INTS3: variants seen among roughly 807,000 people sequenced by gnomAD.
The protein encoded by INTS3 is SOSS complex subunit A.
INTS3 carries 34 observed loss-of-function variants against 146.3 expected under a neutral mutation model. The ratio of observed to expected loss-of-function variants is 0.23; its 90% CI spans 0.18 to 0.31. INTS3 has a LOEUF of 0.31. Among genes scored for constraint, INTS3 ranks in the 10% least tolerant of loss-of-function variants. INTS3 has a pLI of 1.00. For synonymous variants in INTS3, 475 were observed against 494.9 expected (o/e 0.96, Z 0.53); for missense variants, 757 against 1,304.2 (o/e 0.58, Z 6.46).
At position 153,728,732 on chromosome 1, in the gene INTS3, G is replaced by A. The variant is rs375436644; in HGVS notation, c.98G>A (p.Gly33Glu). The A allele has an allele frequency of 3.7e-6, 6 of 1,610,448 alleles. No homozygotes were observed. Among genetic ancestry groups the A allele is most frequent in the South Asian group, 2.2e-5 (2 of 90,984 alleles). ...GGAGCGGGAGCAGGAGCCCCAGGAG[G>A]GGGGAGGCTGCTACTTTCAACCAGT... The part of the protein sequence containing the change: ...GGGAGAGAPG[G>E]GRLLLSTSLD... The change falls in exon 1 of 30, where the codon GGG becomes GAG. Residue 33 changes from glycine to glutamate, a missense_variant. Gly to Glu is a moderately conservative substitution (Grantham distance 98, BLOSUM62 -2). Coordinates refer to ENST00000318967, the MANE Select transcript of INTS3 (RefSeq NM_023015.5).
At chr1:153,755,324 C>T (rs1424126817) in intron 9 of INTS3, among the ~76,000 whole-genome samples, 2 of 152,062 alleles carry the variant, frequency 1.3e-5, no homozygotes, top group Admixed American at 6.5e-5. Context: ...AGTGCAGTGG[C>T]GCGATCTCGG....
At chr1:153,755,350 G>A (rs1291783555) in intron 9 of INTS3, among the ~76,000 whole-genome samples, 6 of 152,014 alleles carry the variant, frequency 3.9e-5, no homozygotes, top group African/African-American at 9.7e-5. Flanking sequence ...CGCAGCCTCC[G>A]CCTGTTGGGT....
intron 3 of INTS3, among the ~76,000 whole-genome samples, chr1:153,741,784 G>C (rs1188321991): frequency 3.3e-5 from 5 of 152,182 alleles, no homozygotes; most frequent in Non-Finnish European, 7.3e-5. Context: ...TAGTAGGTAG[G>C]ATTTAGATGA....
chr1:153,761,052 TG>T, intron 13 of INTS3, 134 bp downstream of exon 13: 1 of 1,472,956 alleles, frequency 6.8e-7, no homozygotes, highest in Non-Finnish European at 9.0e-7. Context: ...CTCAGACTGC[TG>T]GGCATATGTC....
intron 23 of INTS3, 62 bp downstream of exon 23, chr1:153,769,906 T>C: frequency 8.6e-7 from 1 of 1,161,862 alleles, no homozygotes; most frequent in Non-Finnish European, 1.3e-6. Context: ...CAGTCCTGTG[T>C]ATTTTACACT....
chr1:153,763,585 A>G (rs1241306112), intron 16 of INTS3, among the ~76,000 whole-genome samples: 3 of 152,214 alleles, frequency 2.0e-5, no homozygotes, highest in Non-Finnish European at 4.4e-5. Flanking sequence ...CCCACTCTGC[A>G]GATTCTTGGG....
chr1:153,752,937 T>C (rs1672014946), intron 8 of INTS3, among the ~76,000 whole-genome samples: 1 of 152,070 alleles, frequency 6.6e-6, no homozygotes, highest in African/African-American at 2.4e-5. Context: ...TCCCTTTCCC[T>C]TTCCCAGGGT....
chr1:153,757,885 C>A lies in INTS3; in HGVS notation c.1149+122C>A. ...AGGGCCCTTCTTTCACTCTGGTCTT[C>A]CAGAGTGTCTCAGCCTTCACTTCCC... On this transcript the variant is annotated intron_variant, in intron 10 of 29. Coordinates refer to ENST00000318967, the MANE Select transcript of INTS3 (RefSeq NM_023015.5). The surrounding 1 kb of genome is among the most constrained non-coding windows in gnomAD (Gnocchi z 4.0). The A allele has an allele frequency of 5.7e-6, 4 of 697,604 alleles. No homozygotes were observed. Among genetic ancestry groups the A allele is most frequent in the Non-Finnish European group, 9.8e-6 (4 of 409,548 alleles). 43.2% of individuals were successfully genotyped at this position (697,604 alleles called of 1,614,324 possible).
At chr1:153,731,054 A>G (rs1671041048) in intron 1 of INTS3, among the ~76,000 whole-genome samples, 1 of 152,124 alleles carries the variant, frequency 6.6e-6, no homozygotes, top group Admixed American at 6.6e-5. Flanking sequence ...ACACAGAGGT[A>G]GTTTCCTGAC....
intron 9 of INTS3, among the ~76,000 whole-genome samples, chr1:153,755,912 C>T (rs371719607): frequency 6.6e-5 from 10 of 152,128 alleles, no homozygotes; most frequent in Non-Finnish European, 1.0e-4. Context: ...TGGTGGCACA[C>T]GCCTGTAATC....
chr1:153,765,221 C>G (rs1023880855), intron 20 of INTS3, among the ~76,000 whole-genome samples, 158 bp downstream of exon 20: 1 of 152,312 alleles, frequency 6.6e-6, no homozygotes, highest in African/African-American at 2.4e-5. Flanking sequence ...GCATCTCACT[C>G]TGTCACCTGA....
At position 153,772,447 on chromosome 1, in the gene INTS3, C is replaced by T; in HGVS notation, c.2821+7C>T. ...ACCAACACCAAGCAGAACTGTATGC[C>T]TTCCACCCTCGGCGTCCAGTGTAGA... On this transcript the variant is annotated splice_region_variant and intron_variant, in intron 27 of 29. Transcript: ENST00000318967. The surrounding 1 kb of genome is among the most constrained non-coding windows in gnomAD (Gnocchi z 4.6). The T allele has an allele frequency of 6.2e-7, 1 of 1,614,182 alleles. No individual in the cohort carries two copies. The highest frequency in any genetic ancestry group is 8.5e-7 in the Non-Finnish European group (1 of 1,180,040).
chr1:153,733,838 C>T (rs746032225), intron 1 of INTS3, among the ~76,000 whole-genome samples: 32 of 151,916 alleles, frequency 2.1e-4, no homozygotes, highest in Admixed American at 3.3e-4. Context: ...CTCCTAACCT[C>T]GTGATTCGCC....
intron 2 of INTS3, 96 bp downstream of exon 2, chr1:153,740,830 G>T: frequency 2.0e-6 from 2 of 976,092 alleles, no homozygotes; most frequent in South Asian, 1.3e-5. Flanking sequence ...GGGGGTAGGG[G>T]ACTGAAATTC....
In INTS3 at chr1:153,757,561, C is replaced by T. The variant is rs1184035001; in HGVS notation, c.958-11C>T. ...CTTCTAAGGTCTTTTTCTTGCTTCCCCTTTCCCCAGGTGCGATTTGGTCAA... is the reference window on the plus strand; with the variant it reads ...CTTCTAAGGTCTTTTTCTTGCTTCCTCTTTCCCCAGGTGCGATTTGGTCAA... On this transcript the variant is annotated splice_polypyrimidine_tract_variant and intron_variant, in intron 9 of 29. Transcript: ENST00000318967. The surrounding 1 kb of genome is among the most constrained non-coding windows in gnomAD (Gnocchi z 4.0). The T allele has an allele frequency of 2.5e-6, 4 of 1,611,578 alleles. No individual in the cohort carries two copies. In the Admixed American group the frequency reaches 6.7e-5, roughly 27 times the overall value.
chr1:153,763,990 C>G, intron 17 of INTS3, 104 bp downstream of exon 17: 2 of 1,302,704 alleles, frequency 1.5e-6, no homozygotes, highest in Admixed American at 3.4e-5. Flanking sequence ...AGATGAGTCC[C>G]TCTTATAGTG....
At chr1:153,746,853 G>T in intron 3 of INTS3, 104 bp from the exon 4 acceptor site, 1 of 679,688 alleles carries the variant, frequency 1.5e-6, no homozygotes, top group Middle Eastern at 3.6e-4. Context: ...TGTCTTATTG[G>T]TGTTATTTAA....
intron 25 of INTS3, 152 bp downstream of exon 25, chr1:153,770,885 A>C: frequency 1.5e-6 from 1 of 684,276 alleles, no homozygotes; most frequent in East Asian, 2.7e-5. Flanking sequence ...TGACTTACAA[A>C]TGAGCAGCTC....
chr1:153,728,517 C>G lies in INTS3; in HGVS notation c.-118C>G. 1.6e-5 allele frequency: 21 copies of G among 1,281,188 alleles called. No individual in the cohort carries two copies. The highest frequency in any genetic ancestry group is 3.1e-5 in the African/African-American group (2 of 64,942). 79.4% of individuals were successfully genotyped at this position (1,281,188 alleles called of 1,614,324 possible). On this transcript the variant is annotated 5_prime_UTR_variant, in exon 1 of 30. Coordinates refer to ENST00000318967, the MANE Select transcript of INTS3 (RefSeq NM_023015.5). ...GGAGTGGAGAGGACAGGGGCCCTTG[C>G]TCTCCCCTCCCCAACTTGTTCCTCT...
Sources: gnomAD v4.1 joint callset for allele counts (sites outside exome capture counted in the v4.1 genomes callset) on GRCh38, gnomAD v4.1.1 for gene constraint, Gnocchi (gnomAD v3.1) non-coding constraint, MANE v1.5 for transcripts, NCBI Gene and HGNC (gene_info 2026-07-23, HGNC 2026-07-21) for gene names.